DCDC1: variants seen among roughly 807,000 people sequenced by gnomAD.
The protein encoded by DCDC1 is doublecortin domain containing 1.
A neutral mutation model predicts 178.3 loss-of-function variants in DCDC1; 200 were observed. The ratio of observed to expected loss-of-function variants is 1.12; its 90% CI spans 1.00 to 1.26. DCDC1 has a LOEUF of 1.26. DCDC1 is among the 50% of genes most tolerant of loss of function. The pLI, the probability that DCDC1 is intolerant of heterozygous loss-of-function variation, is 0.00. For synonymous variants in DCDC1, 690 were observed against 604.8 expected (o/e 1.14, Z -2.07); for missense variants, 1,983 against 1,749.2 (o/e 1.13, Z -2.38).
intron 20 of DCDC1, among the ~76,000 whole-genome samples, chr11:31,022,949 T>G (rs1354183324): frequency 6.6e-6 from 1 of 152,088 alleles, no homozygotes; most frequent in Admixed American, 6.6e-5. Flanking sequence ...TAACCATCAT[T>G]TGCCCATCAT....
At chr11:31,328,082 G>C (rs760993378) in intron 3 of DCDC1, 35 bp downstream of exon 3, 22 of 1,562,862 alleles carry the variant, frequency 1.4e-5, no homozygotes, top group Non-Finnish European at 1.9e-5. Context: ...ATCCCCTTCA[G>C]TATTTAGTTT....
At position 30,931,753 on chromosome 11, in the gene DCDC1, T is replaced by C. The variant is rs771218137; in HGVS notation, c.2897+18A>G. ...AACTAGAAAGTGTATTTAATAAGTA[T>C]GAACAAGTTGTTCTTACTGCGTTTT... On this transcript the variant is annotated intron_variant, in intron 22 of 38. Transcript: ENST00000684477. 1.3e-5 allele frequency: 21 copies of C among 1,600,834 alleles called. No individual in the cohort carries two copies. Among genetic ancestry groups the C allele is most frequent in the African/African-American group, 5.4e-5 (4 of 74,430 alleles).
chr11:31,089,824 C>T (rs1957698921), intron 17 of DCDC1, among the ~76,000 whole-genome samples: 2 of 152,178 alleles, frequency 1.3e-5, no homozygotes, highest in Non-Finnish European at 2.9e-5. Context: ...TTCAATCTTT[C>T]CTCTAGCTTC....
chr11:30,917,796 G>A (rs1289038616), intron 25 of DCDC1, among the ~76,000 whole-genome samples: 3 of 152,166 alleles, frequency 2.0e-5, no homozygotes, highest in Non-Finnish European at 2.9e-5. Context: ...CTAAGTATGC[G>A]TACCTGTAAA....
intron 17 of DCDC1, among the ~76,000 whole-genome samples, chr11:31,082,196 A>T (rs1957220868): frequency 6.6e-6 from 1 of 152,194 alleles, no homozygotes; most frequent in Non-Finnish European, 1.5e-5. Context: ...ACATACACTG[A>T]ACTAAGGTTG....
intron 17 of DCDC1, among the ~76,000 whole-genome samples, chr11:31,090,833 A>G (rs1363535871): frequency 6.6e-6 from 1 of 152,156 alleles, no homozygotes; most frequent in Admixed American, 6.5e-5. Flanking sequence ...CATCAAAACA[A>G]AAGACCAAGA....
In DCDC1 at chr11:30,915,662, C is replaced by G. The variant is rs375684196; in HGVS notation, c.3502G>C (p.Glu1168Gln). ...CTTATAATCTGCCCATCTCTGTATT[C>G]GAACTGCTGATGACAATGCTTGTGC... ...KLHKHCHQQFEYRDGQIISHA... is the reference protein window; with the variant it reads ...KLHKHCHQQFQYRDGQIISHA... The change falls in exon 27 of 39, where the codon GAA becomes CAA. Residue 1168 changes from glutamate to glutamine, a missense_variant. Transcript: ENST00000684477. The G allele has an allele frequency of 6.2e-7, 1 of 1,613,858 alleles. No homozygotes were observed. Among genetic ancestry groups the G allele is most frequent in the Non-Finnish European group, 8.5e-7 (1 of 1,179,848 alleles).
intron 37 of DCDC1, among the ~76,000 whole-genome samples, chr11:30,879,126 T>C (rs1040701972): frequency 3.3e-5 from 5 of 152,180 alleles, no homozygotes; most frequent in Admixed American, 2.0e-4. Flanking sequence ...CAAAATCCAA[T>C]TGATTTTTTA....
intron 25 of DCDC1, among the ~76,000 whole-genome samples, chr11:30,919,260 G>T (rs1946072565): frequency 6.6e-6 from 1 of 152,078 alleles, no homozygotes; most frequent in East Asian, 1.9e-4. Flanking sequence ...TAATAAGATG[G>T]AGATGGTCTA....
chr11:31,257,364 T>C (rs1335216147), intron 8 of DCDC1, among the ~76,000 whole-genome samples: 2 of 152,190 alleles, frequency 1.3e-5, no homozygotes, highest in Non-Finnish European at 2.9e-5. Flanking sequence ...ATTTTAACCA[T>C]GGTTCTAAAT....
chr11:31,333,288 G>T (rs1032643199), intron 2 of DCDC1, among the ~76,000 whole-genome samples: 7 of 152,114 alleles, frequency 4.6e-5, no homozygotes, highest in Non-Finnish European at 1.0e-4. Flanking sequence ...CTCCACATGA[G>T]ATGGGTCTCC....
rs1332366407 is a variant in DCDC1, at chr11:31,127,516, T to C, written c.1438A>G (p.Lys480Glu). Residue 480 changes from lysine to glutamate, a missense_variant, in exon 11 of 39, where the codon AAA becomes GAA. By Grantham distance (56) the Lys-to-Glu change is moderately conservative. Transcript: ENST00000684477. ...QFSSYVYQHI[K>E]SLPANTLVPG... is the part of the protein sequence containing the mutation. ...ACAAGCGTGTTTGCTGGAAGGCTTT[T>C]AATGTGTTGGTAGACATAAGAGGAG... 2.8e-6 allele frequency: 2 copies of C among 702,708 alleles called. No homozygotes were observed. The highest frequency in any genetic ancestry group is 4.0e-5 in the Admixed American group (2 of 49,980). 43.5% of individuals were successfully genotyped at this position (702,708 alleles called of 1,614,324 possible).
rs1943933306 is a variant in DCDC1 at position 31,250,427 on chromosome 11, T to TATAC, written c.1055-8812_1055-8811insGTAT. Among the ~76,000 whole-genome samples, 2 of 112,676 alleles carry TATAC rather than the reference T, an allele frequency of 1.8e-5. 1 individual carries two copies. The highest frequency in any genetic ancestry group is 9.7e-4 in the East Asian group (2 of 2,062). The allele number at this position is 112,676 out of a possible 152,430, so 73.9% of individuals were successfully genotyped here. On this transcript the variant is annotated intron_variant, in intron 8 of 38. Transcript: ENST00000684477. ...ACACACACACACACATATACATATA[T>TATAC]ATGTATATATATATATATCCCTGCC... is the stretch of plus-strand genomic sequence containing the variant.
chr11:31,115,999 G>T (rs1231091893), intron 11 of DCDC1, among the ~76,000 whole-genome samples: 2 of 132,384 alleles, frequency 1.5e-5, no homozygotes, highest in African/African-American at 5.4e-5. Context: ...GGGGGGATGG[G>T]TATCTCAGTC....
intron 20 of DCDC1, among the ~76,000 whole-genome samples, chr11:31,043,700 C>T (rs1188045978): frequency 6.6e-6 from 1 of 152,082 alleles, no homozygotes; most frequent in African/African-American, 2.4e-5. Flanking sequence ...CCTTCTGTCA[C>T]CTCCCAAACC....
intron 9 of DCDC1, among the ~76,000 whole-genome samples, chr11:31,199,280 A>G (rs139473726): frequency 6.6e-6 from 1 of 152,188 alleles, no homozygotes; most frequent in Non-Finnish European, 1.5e-5. Context: ...TTTGTATTAC[A>G]TGCACTCAGA....
chr11:31,005,247 G>T (rs290093), intron 20 of DCDC1, among the ~76,000 whole-genome samples: 2,045 of 152,132 alleles, frequency 0.013, 50 homozygotes, highest in African/African-American at 0.048. Flanking sequence ...TAACTGTATC[G>T]CATTGTTAGT....
chr11:31,264,289 G>C (rs1402970658), intron 8 of DCDC1, among the ~76,000 whole-genome samples: 1 of 152,162 alleles, frequency 6.6e-6, no homozygotes, highest in African/African-American at 2.4e-5. Context: ...TATTTATTGA[G>C]TGCCTGTTCC....
At chr11:31,093,514 C>T (rs1158806171) in intron 16 of DCDC1, among the ~76,000 whole-genome samples, 1 of 152,148 alleles carries the variant, frequency 6.6e-6, no homozygotes, top group Admixed American at 6.6e-5. Flanking sequence ...ATTTTATGTT[C>T]TTCTATAAGT....
Sources: allele counts gnomAD v4.1 joint callset (sites outside exome capture counted in the v4.1 genomes callset), GRCh38; gene constraint gnomAD v4.1.1; transcripts MANE v1.5; gene names NCBI Gene and HGNC (gene_info 2026-07-23, HGNC 2026-07-21).